Variants in NEBL observed in about 807,000 individuals in gnomAD.
The protein encoded by NEBL is nebulette, also known as LIM and SH3 protein 2.
Under a neutral mutation model 140.2 loss-of-function variants are expected in NEBL, and 122 were observed. The ratio of observed to expected loss-of-function variants is 0.87; its 90% confidence interval spans 0.75 to 1.01. NEBL has a LOEUF of 1.01. Among genes scored for constraint, NEBL ranks in the 50% least tolerant of loss-of-function variants. The pLI, the probability that NEBL is intolerant of heterozygous loss-of-function variation, is 0.00. For missense variants in NEBL, 1,365 were observed against 1,231.3 expected, an observed-to-expected ratio of 1.11 and a Z score of -1.62; for synonymous variants, 436 against 398.9, an observed-to-expected ratio of 1.09 and a Z score of -1.11.
chr10:21,162,635 T>C (rs937299592), intron 2 of NEBL, among the ~76,000 whole-genome samples: 2 of 152,120 alleles, frequency 1.3e-5, no homozygotes, highest in African/African-American at 2.4e-5. Flanking sequence ...CACCTCCCAC[T>C]CCAGGCTGAG....
At chr10:20,815,248 T>G (rs1208499248) in intron 22 of NEBL, among the ~76,000 whole-genome samples, 1 of 152,252 alleles carries the variant, frequency 6.6e-6, no homozygotes, top group Non-Finnish European at 1.5e-5. Context: ...TATTTTGTTT[T>G]GCAGACAGCA....
intron 4 of NEBL, among the ~76,000 whole-genome samples, chr10:20,928,712 T>C (rs1834029542): frequency 6.6e-6 from 1 of 152,208 alleles, no homozygotes; most frequent in Admixed American, 6.5e-5. Context: ...ATCCCCTTCT[T>C]TCCACCCTTC....
At chr10:20,941,032 T>C (rs1172019229) in intron 4 of NEBL, among the ~76,000 whole-genome samples, 50 of 152,176 alleles carry the variant, frequency 3.3e-4, no homozygotes, top group Non-Finnish European at 1.5e-4. Flanking sequence ...TACCATTCCT[T>C]CTGAAACTAT....
intron 2 of NEBL, among the ~76,000 whole-genome samples, chr10:21,164,029 G>T (rs185273981): frequency 1.2e-3 from 178 of 152,284 alleles, no homozygotes; most frequent in Non-Finnish European, 2.0e-3. Flanking sequence ...CCCTATCTAG[G>T]TTCGACCAGA....
intron 16 of NEBL, 45 bp from the exon 17 acceptor site, chr10:20,828,679 C>A (rs764809944): frequency 6.0e-5 from 78 of 1,293,804 alleles, no homozygotes; most frequent in Non-Finnish European, 8.5e-5. Flanking sequence ...TATGTGTGTG[C>A]GCACATGTGA....
In NEBL at chr10:21,173,938, T is replaced by G; in HGVS notation, c.-105A>C. ...ACCGCCTCCTGGCAGGCGGGAGGGC[T>G]GCGGGCGGCGGGCGCCGGGTAGGGA... On this transcript the variant is annotated 5_prime_UTR_variant, in exon 1 of 7. Transcript: ENST00000417816. This position sits in a 1 kb window ranked among gnomAD's most constrained non-coding sequence, Gnocchi z 5.7. 6 of 1,400,518 alleles carry G rather than the reference T, an allele frequency of 4.3e-6. No individual in the cohort carries two copies. The South Asian group carries it at 9.5e-5, about 22-fold the overall frequency. 86.8% of individuals were successfully genotyped at this position (1,400,518 alleles called of 1,614,324 possible).
At chr10:21,216,104 G>T (rs568034030) in intron 3 of NEBL, among the ~76,000 whole-genome samples, 1 of 152,256 alleles carries the variant, frequency 6.6e-6, no homozygotes, top group South Asian at 2.1e-4. Context: ...CAGTCAAGTT[G>T]CCACGGTATG....
upstream of NEBL, among the ~76,000 whole-genome samples, chr10:21,179,214 A>T (rs542377633): frequency 2.0e-5 from 3 of 152,306 alleles, no homozygotes; most frequent in South Asian, 6.2e-4. Context: ...CTGCTCTCTG[A>T]CCTGCTGCCT....
intron 3 of NEBL, among the ~76,000 whole-genome samples, chr10:21,221,249 G>A (rs1223910608): frequency 2.0e-5 from 3 of 152,128 alleles, no homozygotes; most frequent in Admixed American, 6.5e-5. Flanking sequence ...AAAATATCAC[G>A]TTGTACACTG....
intron 26 of NEBL, among the ~76,000 whole-genome samples, chr10:20,794,996 A>G (rs1836370194): frequency 6.6e-6 from 1 of 152,240 alleles, no homozygotes; most frequent in Non-Finnish European, 1.5e-5. Context: ...AGGGGGAGCC[A>G]GAATTTAATG....
intron 3 of NEBL, among the ~76,000 whole-genome samples, chr10:20,967,010 C>T (rs1836343443): frequency 6.6e-6 from 1 of 151,980 alleles, no homozygotes; most frequent in South Asian, 2.1e-4. Flanking sequence ...AGGAGATTCA[C>T]GTTAAAGGAG....
intron 26 of NEBL, 91 bp downstream of exon 26, chr10:20,808,419 T>C: frequency 7.6e-7 from 1 of 1,312,286 alleles, no homozygotes; most frequent in Non-Finnish European, 1.1e-6. Flanking sequence ...GGATAGATGT[T>C]CATGCAAAAG....
At chr10:21,102,353 T>C (rs1837515801) in intron 2 of NEBL, among the ~76,000 whole-genome samples, 1 of 152,224 alleles carries the variant, frequency 6.6e-6, no homozygotes, top group Non-Finnish European at 1.5e-5. Context: ...CATGAGACTA[T>C]CACCACAATC....
intron 2 of NEBL, among the ~76,000 whole-genome samples, chr10:21,030,958 T>G (rs1165303726): frequency 1.3e-5 from 2 of 152,172 alleles, no homozygotes; most frequent in Non-Finnish European, 2.9e-5. Context: ...CACACCGGTG[T>G]GCACTGATGA....
chr10:21,057,393 A>G (rs1442551342), intron 2 of NEBL, among the ~76,000 whole-genome samples: 1 of 152,076 alleles, frequency 6.6e-6, no homozygotes, highest in Admixed American at 6.6e-5. Flanking sequence ...CCTTGCACAT[A>G]TCAAAGAAAC....
intron 4 of NEBL, among the ~76,000 whole-genome samples, chr10:20,942,131 G>A (rs1834904554): frequency 6.6e-6 from 1 of 152,122 alleles, no homozygotes; most frequent in African/African-American, 2.4e-5. Context: ...ACCTTGCCAA[G>A]TCAATCCTAA....
intron 1 of NEBL, among the ~76,000 whole-genome samples, chr10:21,276,909 C>T (rs1261419516): frequency 6.6e-6 from 1 of 151,872 alleles, no homozygotes; most frequent in Non-Finnish European, 1.5e-5. Flanking sequence ...GCGGAGGTTG[C>T]AGTGAGCCAA....
At chr10:21,237,576 A>T (rs1020180617) in intron 3 of NEBL, among the ~76,000 whole-genome samples, 13 of 151,906 alleles carry the variant, frequency 8.6e-5, no homozygotes, top group African/African-American at 2.9e-4. Flanking sequence ...CTTGGAGACC[A>T]TACAGCATCT....
chr10:20,831,656 T>C (rs1056084659), intron 14 of NEBL, 73 bp from the exon 15 acceptor site: 1 of 943,504 alleles, frequency 1.1e-6, no homozygotes, highest in Non-Finnish European at 1.7e-6. Flanking sequence ...AGATGTCATT[T>C]TGACATTAAG....
Sources: allele counts gnomAD v4.1 joint callset (sites outside exome capture counted in the v4.1 genomes callset), GRCh38; gene constraint gnomAD v4.1.1; non-coding constraint Gnocchi (gnomAD v3.1); transcripts MANE v1.5; gene names NCBI Gene and HGNC (gene_info 2026-07-23, HGNC 2026-07-21).